The following OSTN variants were observed in gnomAD, a reference collection of about 807,000 sequenced individuals.
The protein encoded by OSTN is osteocrin.
OSTN carries 9 observed loss-of-function variants against 12.0 expected under a neutral mutation model. That is an observed-to-expected ratio of 0.75 (90% CI 0.45 to 1.30). OSTN has a LOEUF of 1.30. Ranked by LOEUF, OSTN falls within the 50% of genes most tolerant of loss-of-function variation. The pLI, the probability that OSTN is intolerant of heterozygous loss-of-function variation, is 0.00. For synonymous variants in OSTN, 59 were observed against 56.9 expected (o/e 1.04, Z -0.16); for missense variants, 148 against 152.3 (o/e 0.97, Z 0.15).
rs374749121 is a variant in OSTN, at chr3:191,212,520, A to G, written c.1-13A>G. 589 of 1,539,020 alleles carry G rather than the reference A, an allele frequency of 3.8e-4. 2 individuals carry two copies. Among genetic ancestry groups the G allele is most frequent in the Non-Finnish European group, 4.8e-4 (544 of 1,126,126 alleles). ...AACGAATCAATGCTAACTATGACATATGTAACCCTTAGATGCTGGACTGGA... is the reference window on the plus strand; with the variant it reads ...AACGAATCAATGCTAACTATGACATGTGTAACCCTTAGATGCTGGACTGGA... On this transcript the variant is annotated splice_polypyrimidine_tract_variant and intron_variant, in intron 1 of 4. Transcript: ENST00000682035.
In OSTN at chr3:191,264,479, A is replaced by AT. The variant is rs940714084; in HGVS notation, c.*1634dup. 38 of 152,114 alleles carry AT rather than the reference A, an allele frequency of 2.5e-4. No homozygotes were observed. The highest frequency in any genetic ancestry group is 8.7e-4 in the African/African-American group (36 of 41,508). 9.4% of individuals were successfully genotyped at this position (152,114 alleles called of 1,614,324 possible). On this transcript the variant is annotated 3_prime_UTR_variant, in exon 5 of 5. Transcript: ENST00000682035. ...ATTAATTTAGGAAAAATAGTAAATA[A>AT]TTTTTTTTCATTGTAGTAGAGGGCT...
chr3:191,252,168 T>C (rs1370018539), intron 4 of OSTN, among the ~76,000 whole-genome samples: 1 of 152,206 alleles, frequency 6.6e-6, no homozygotes, highest in African/African-American at 2.4e-5. Flanking sequence ...CAAGCAATTC[T>C]CCTGCCTCAG....
chr3:191,236,611 T>C (rs571513431), intron 3 of OSTN, among the ~76,000 whole-genome samples: 4 of 152,248 alleles, frequency 2.6e-5, no homozygotes, highest in East Asian at 1.9e-4. Flanking sequence ...AAAGGATTGT[T>C]AATCTTTGTA....
intron 1 of OSTN, among the ~76,000 whole-genome samples, chr3:191,212,199 C>G (rs1008885191): frequency 2.6e-5 from 4 of 152,142 alleles, no homozygotes; most frequent in Admixed American, 6.5e-5. Flanking sequence ...TCCTCAGTTA[C>G]ATATATAATG....
At chr3:191,222,351 G>GGATGTGAGACTT in intron 3 of OSTN, among the ~76,000 whole-genome samples, 1 of 151,950 alleles carries the variant, frequency 6.6e-6, no homozygotes, top group South Asian at 2.1e-4. Flanking sequence ...GGGATGACCT[G>GGATGTGAGACTT]GATGTGAGAC....
At chr3:191,223,801 C>T (rs1215811790) in intron 3 of OSTN, among the ~76,000 whole-genome samples, 1 of 151,856 alleles carries the variant, frequency 6.6e-6, no homozygotes, top group Non-Finnish European at 1.5e-5. Context: ...GTAATAAACT[C>T]ATATGTAAGT....
chr3:191,227,473 C>T (rs968972466), intron 3 of OSTN, among the ~76,000 whole-genome samples: 50 of 152,142 alleles, frequency 3.3e-4, no homozygotes, highest in Admixed American at 3.3e-3. Flanking sequence ...CTGCCTTCCT[C>T]CTATTTCTAG....
rs182245022 is a variant in OSTN, at chr3:191,237,781, A to G, written c.318-12256A>G. 2.0e-5 allele frequency among the ~76,000 whole-genome samples: 3 copies of G among 152,268 alleles called. No homozygotes were observed. The East Asian group carries it at 5.8e-4, about 29-fold the overall frequency. ...CTGGTGCTGGCTGTGACCAATTATT[A>G]TTTTAGAGAGGCAGTGTGACAAATG... On this transcript the variant is annotated intron_variant, in intron 3 of 4. Coordinates refer to ENST00000682035, the MANE Select transcript of OSTN (RefSeq NM_198184.2).
At chr3:191,250,955 C>T (rs187822152) in intron 4 of OSTN, among the ~76,000 whole-genome samples, 1 of 152,026 alleles carries the variant, frequency 6.6e-6, no homozygotes. Context: ...AGAGATCAGG[C>T]CTTATGGGTT....
chr3:191,244,960 A>T (rs1715397652), intron 3 of OSTN, among the ~76,000 whole-genome samples: 1 of 152,146 alleles, frequency 6.6e-6, no homozygotes, highest in Admixed American at 6.5e-5. Context: ...AGTAGTTTTC[A>T]CTTAAACTCT....
intron 3 of OSTN, among the ~76,000 whole-genome samples, chr3:191,219,179 T>C (rs576141858): frequency 3.9e-5 from 6 of 152,352 alleles, no homozygotes; most frequent in African/African-American, 1.4e-4. Context: ...ATTTTTGTCA[T>C]GTTTCCTAAG....
chr3:191,235,625 C>G (rs1439578422), intron 3 of OSTN, among the ~76,000 whole-genome samples: 1 of 152,318 alleles, frequency 6.6e-6, no homozygotes, highest in Non-Finnish European at 1.5e-5. Context: ...TACTCCTCTT[C>G]TGGCAGATCT....
chr3:191,230,555 T>C (rs1247372957), intron 3 of OSTN, among the ~76,000 whole-genome samples: 4 of 101,510 alleles, frequency 3.9e-5, no homozygotes, highest in African/African-American at 1.7e-4. Flanking sequence ...AGAGCAAGAC[T>C]CCGTCTCAAA....
intron 4 of OSTN, among the ~76,000 whole-genome samples, chr3:191,256,588 C>G (rs577963745): frequency 2.0e-5 from 3 of 149,422 alleles, no homozygotes; most frequent in African/African-American, 7.3e-5. Flanking sequence ...ATAAAGACAG[C>G]ATGAGGCAAA....
rs1388568502 is a variant in OSTN, at chr3:191,264,167, ATGGGC to A, written c.*1315_*1319del. On this transcript the variant is annotated 3_prime_UTR_variant, in exon 5 of 5. Coordinates refer to ENST00000682035, the MANE Select transcript of OSTN (RefSeq NM_198184.2). Reference sequence around the variant, plus strand: ...TTAATTTTAAAGGAAGAGGAGAGAAATGGGCAATTGCTAATCTTAACTAAAAATTA... The same window carrying A: ...TTAATTTTAAAGGAAGAGGAGAGAAAAATTGCTAATCTTAACTAAAAATTA... 1 of 152,112 alleles carries A rather than the reference ATGGGC, an allele frequency of 6.6e-6. No homozygotes were observed. The highest frequency in any genetic ancestry group is 1.5e-5 in the Non-Finnish European group (1 of 67,970). 9.4% of individuals were successfully genotyped at this position (152,112 alleles called of 1,614,324 possible). A position where few individuals can be genotyped will look rare whatever the true frequency, so the allele number is the denominator to read the frequency against.
In OSTN at chr3:191,242,030, GTTGT is replaced by G. The variant is rs200750896; in HGVS notation, c.318-8004_318-8001del. Among the ~76,000 whole-genome samples the G allele has an allele frequency of 4.5e-3, 691 of 152,166 alleles. 11 individuals carry two copies. Among genetic ancestry groups the G allele is most frequent in the Admixed American group, 0.041 (632 of 15,290 alleles). The stretch of plus-strand genomic sequence containing the variant: ...ATTTAAAAAAAAATACCATTATCAT[GTTGT>G]TTATCACAAAAATACAATATAAGCT... On this transcript the variant is annotated intron_variant, in intron 3 of 4. Coordinates refer to ENST00000682035, the MANE Select transcript of OSTN (RefSeq NM_198184.2).
chr3:191,256,518 T>G (rs554995008), intron 4 of OSTN, among the ~76,000 whole-genome samples: 3 of 151,874 alleles, frequency 2.0e-5, no homozygotes, highest in Non-Finnish European at 4.4e-5. Context: ...AAAATAATAA[T>G]TCAGAGATTT....
At chr3:191,204,403 C>T (rs1315920053) in intron 1 of OSTN, among the ~76,000 whole-genome samples, 2 of 152,164 alleles carry the variant, frequency 1.3e-5, no homozygotes, top group Non-Finnish European at 2.9e-5. Context: ...ATATGTGACA[C>T]TGACAGAAGC....
Position 191,212,579 on chromosome 3 carries a change from C to T in OSTN, c.47C>T (p.Thr16Ile), listed in dbSNP as rs763744524. The change falls in exon 2 of 5, where the codon ACA becomes ATA. Residue 16 changes from threonine to isoleucine, a missense_variant. By Grantham distance (89) the Thr-to-Ile change is moderately conservative. Transcript: ENST00000682035. ...AGTGCACATTTCATCCTGGCTGTGA[C>T]ACTGACACTGTGGAGCTCAGGAAAA... is the stretch of plus-strand genomic sequence containing the variant. ...LASAHFILAV[T>I]LTLWSSGKVL... The T allele has an allele frequency of 6.3e-7, 1 of 1,597,572 alleles. No homozygotes were observed. The highest frequency in any genetic ancestry group is 8.6e-7 in the Non-Finnish European group (1 of 1,169,358).
Sources: allele counts gnomAD v4.1 joint callset (sites outside exome capture counted in the v4.1 genomes callset), GRCh38; gene constraint gnomAD v4.1.1; transcripts MANE v1.5; gene names NCBI Gene and HGNC (gene_info 2026-07-23, HGNC 2026-07-21).